Variants in COL19A1 observed in about 807,000 individuals in gnomAD.
The protein encoded by COL19A1 is collagen alpha-1(XIX) chain.
A neutral mutation model predicts 190.2 loss-of-function variants in COL19A1; 159 were observed. The observed-to-expected ratio is 0.84, with a 90% CI of 0.73 to 0.95. The LOEUF is 0.95. Among genes scored for constraint, COL19A1 ranks in the 40% least tolerant of loss-of-function variants. COL19A1 has a pLI of 0.00. For missense variants in COL19A1, 1,418 were observed against 1,431.9 expected (o/e 0.99, Z 0.16); for synonymous variants, 509 against 458.9 (o/e 1.11, Z -1.39).
chr6:70,165,137 T>C lies in COL19A1; in HGVS notation c.2401-804T>C, dbSNP rs570789417. ...TTAAGAGATTTTATGAGGCTATTAT[T>C]CTGAGAGAAAAGCAGAGTTATAGGA... On this transcript the variant is annotated intron_variant, in intron 36 of 50. Coordinates refer to ENST00000620364, the MANE Select transcript of COL19A1 (RefSeq NM_001858.6). 2.6e-5 allele frequency among the ~76,000 whole-genome samples: 4 copies of C among 152,282 alleles called. No homozygotes were observed. In the East Asian group the frequency reaches 7.7e-4, roughly 29 times the overall value.
At chr6:70,031,077 C>T (rs1401546738) in intron 12 of COL19A1, among the ~76,000 whole-genome samples, 1 of 152,138 alleles carries the variant, frequency 6.6e-6, no homozygotes, top group East Asian at 1.9e-4. Context: ...ACCCATCTTC[C>T]TCATCATGGC....
chr6:70,108,330 A>G (rs1186054255), intron 16 of COL19A1, among the ~76,000 whole-genome samples: 1 of 151,196 alleles, frequency 6.6e-6, no homozygotes, highest in South Asian at 2.1e-4. Flanking sequence ...GCATTGTTTC[A>G]TTATTGCAGT....
chr6:69,874,378 T>G (rs2149936000), intron 1 of COL19A1, among the ~76,000 whole-genome samples: 1 of 152,352 alleles, frequency 6.6e-6, no homozygotes, highest in South Asian at 2.1e-4. Flanking sequence ...GTTTTTCAAA[T>G]GTTCCTAGCT....
At chr6:69,979,744 T>C (rs1446000574) in intron 11 of COL19A1, among the ~76,000 whole-genome samples, 1 of 151,536 alleles carries the variant, frequency 6.6e-6, no homozygotes, top group African/African-American at 2.4e-5. Context: ...AGAATTTAGA[T>C]ACCAGGGATA....
intron 2 of COL19A1, among the ~76,000 whole-genome samples, chr6:69,886,009 T>C (rs1047024899): frequency 2.6e-5 from 4 of 152,158 alleles, no homozygotes; most frequent in Admixed American, 6.5e-5. Context: ...AAAACACTTA[T>C]ACACAGTGAA....
intron 9 of COL19A1, among the ~76,000 whole-genome samples, chr6:69,954,445 C>G (rs1472821565): frequency 6.6e-6 from 1 of 151,998 alleles, no homozygotes; most frequent in Non-Finnish European, 1.5e-5. Context: ...TAGAGAATGA[C>G]TGTTAGAAAA....
chr6:69,960,892 A>C (rs1171483831), intron 10 of COL19A1, among the ~76,000 whole-genome samples: 1 of 151,954 alleles, frequency 6.6e-6, no homozygotes, highest in African/African-American at 2.4e-5. Flanking sequence ...CGGCCTCCCA[A>C]AGTGCTGGGA....
At chr6:70,184,948 G>A in intron 46 of COL19A1, 33 bp downstream of exon 46, 1 of 1,595,122 alleles carries the variant, frequency 6.3e-7, no homozygotes, top group Non-Finnish European at 8.6e-7. Flanking sequence ...TGTTATTCAA[G>A]TCTGTCTGTT....
chr6:69,926,182 C>G (rs1356096752), intron 4 of COL19A1, among the ~76,000 whole-genome samples: 1 of 152,110 alleles, frequency 6.6e-6, no homozygotes, highest in African/African-American at 2.4e-5. Context: ...AAAGGGAATG[C>G]CTCCAGTTTT....
chr6:69,900,071 T>C (rs1770069999), intron 3 of COL19A1, among the ~76,000 whole-genome samples, 168 bp from the exon 4 acceptor site: 1 of 152,216 alleles, frequency 6.6e-6, no homozygotes, highest in Admixed American at 6.5e-5. Flanking sequence ...AATTTCATTC[T>C]CTTTTACCCT....
intron 16 of COL19A1, among the ~76,000 whole-genome samples, chr6:70,114,674 T>C (rs1784466711): frequency 6.6e-6 from 1 of 152,328 alleles, no homozygotes; most frequent in South Asian, 2.1e-4. Context: ...TTTTTTCTCT[T>C]TTATTATCAC....
rs1297413410 is a variant in COL19A1, at chr6:70,208,115, G to A, written c.*841G>A. The A allele has an allele frequency of 6.6e-6, 1 of 152,180 alleles. No homozygotes were observed. The highest frequency in any genetic ancestry group is 1.5e-5 in the Non-Finnish European group (1 of 68,018). 9.4% of individuals were successfully genotyped at this position (152,180 alleles called of 1,614,324 possible). ...CAGAAAGCTGTTTTCCCTACAAGGT[G>A]CTTGGTGGTGAAGCCACCAAGCTGT... On this transcript the variant is annotated 3_prime_UTR_variant, in exon 51 of 51. Transcript: ENST00000620364.
At chr6:70,191,921 G>A (rs58042167) in intron 48 of COL19A1, among the ~76,000 whole-genome samples, 34,087 of 152,146 alleles carry the variant, frequency 0.22, 3,998 homozygotes, top group Non-Finnish European at 0.26. Flanking sequence ...ATAATAATTA[G>A]CAGTAGAGAC....
chr6:70,160,745 G>A (rs1178813761), intron 34 of COL19A1, among the ~76,000 whole-genome samples: 1 of 152,010 alleles, frequency 6.6e-6, no homozygotes, highest in Non-Finnish European at 1.5e-5. Context: ...TAACACTAAA[G>A]TTTCTGATAA....
intron 15 of COL19A1, among the ~76,000 whole-genome samples, chr6:70,092,082 A>G (rs1369579708): frequency 6.6e-6 from 1 of 152,118 alleles, no homozygotes; most frequent in East Asian, 1.9e-4. Flanking sequence ...GTGAGCTGGG[A>G]AATGCCGTCT....
chr6:70,064,822 CAGAG>C (rs915901927), intron 14 of COL19A1, among the ~76,000 whole-genome samples: 1 of 152,118 alleles, frequency 6.6e-6, no homozygotes, highest in East Asian at 1.9e-4. Context: ...AACAAACAAA[CAGAG>C]AGCCAAATCA....
At chr6:70,059,759 A>T (rs1311161161) in intron 14 of COL19A1, 1 of 527,638 alleles carries the variant, frequency 1.9e-6, no homozygotes, top group Non-Finnish European at 3.9e-6. Context: ...TTACCTTGTG[A>T]AAATGCTAAA....
At position 69,878,351 on chromosome 6, in the gene COL19A1, C is replaced by G. The variant is rs528084776; in HGVS notation, c.-32-1185C>G. Reference sequence around the variant, plus strand: ...GCCTCAGCCTTCCGAGTAGCTGGGACTACAGGTGCCCGCCACCGTGCCTGA... The same window carrying G: ...GCCTCAGCCTTCCGAGTAGCTGGGAGTACAGGTGCCCGCCACCGTGCCTGA... On this transcript the variant is annotated intron_variant, in intron 1 of 50. Coordinates refer to ENST00000620364, the MANE Select transcript of COL19A1 (RefSeq NM_001858.6). 1.5e-3 allele frequency among the ~76,000 whole-genome samples: 221 copies of G among 151,942 alleles called. 3 individuals are homozygous for G. Among genetic ancestry groups the G allele is most frequent in the Non-Finnish European group, 2.3e-3 (158 of 67,948 alleles).
chr6:70,042,967 T>A (rs542647846), intron 14 of COL19A1, among the ~76,000 whole-genome samples: 1 of 152,284 alleles, frequency 6.6e-6, no homozygotes, highest in African/African-American at 2.4e-5. Context: ...TTCTACCACA[T>A]CTGCAGTTAC....
Sources: gnomAD v4.1 joint callset for allele counts (sites outside exome capture counted in the v4.1 genomes callset) on GRCh38, gnomAD v4.1.1 for gene constraint, MANE v1.5 for transcripts, NCBI Gene and HGNC (gene_info 2026-07-23, HGNC 2026-07-21) for gene names.